Variants in ATP2C2 observed in about 807,000 individuals in gnomAD.
ATP2C2 encodes the protein ATPase secretory pathway Ca2+ transporting 2.
ATP2C2 carries 171 observed loss-of-function variants against 110.8 expected under a neutral mutation model. That is an observed-to-expected ratio of 1.54 (90% CI 1.36 to 1.75). The LOEUF is 1.75. Among genes scored for constraint, ATP2C2 ranks in the 40% most tolerant of loss-of-function variants. The pLI is 0.00. For missense variants in ATP2C2, 1,963 were observed against 1,235.0 expected, an observed-to-expected ratio of 1.59 and a Z score of -8.84; for synonymous variants, 804 against 508.4, an observed-to-expected ratio of 1.58 and a Z score of -7.82.
chr16:84,413,679 A>G (rs2150530997), intron 6 of ATP2C2, among the ~76,000 whole-genome samples: 1 of 152,298 alleles, frequency 6.6e-6, no homozygotes, highest in Middle Eastern at 3.4e-3. Flanking sequence ...TTTATGTACA[A>G]AAGCAGCGGT....
chr16:84,450,760 C>A (rs895727598), intron 17 of ATP2C2, among the ~76,000 whole-genome samples: 2 of 152,106 alleles, frequency 1.3e-5, no homozygotes, highest in African/African-American at 4.8e-5. Flanking sequence ...GAAACAGAGT[C>A]AAGGCCCAGG....
intron 7 of ATP2C2, among the ~76,000 whole-genome samples, chr16:84,419,295 T>C (rs944403973): frequency 5.4e-5 from 8 of 149,388 alleles, no homozygotes; most frequent in Non-Finnish European, 1.0e-4. Context: ...TTTCCTGGCC[T>C]TTCCCAGCTT....
intron 11 of ATP2C2, among the ~76,000 whole-genome samples, chr16:84,429,219 T>C (rs977940347): frequency 6.6e-6 from 1 of 152,214 alleles, no homozygotes; most frequent in African/African-American, 2.4e-5. Flanking sequence ...TGGCACGATC[T>C]TGGCTCACTG....
intron 6 of ATP2C2, among the ~76,000 whole-genome samples, chr16:84,413,446 T>C (rs1338490979): frequency 1.3e-5 from 2 of 152,116 alleles, no homozygotes; most frequent in South Asian, 2.1e-4. Flanking sequence ...GTGAGTCAAT[T>C]GTAGAAGGGC....
intron 11 of ATP2C2, 118 bp from the exon 12 acceptor site, chr16:84,439,048 C>G: frequency 6.9e-7 from 1 of 1,450,308 alleles, no homozygotes; most frequent in Non-Finnish European, 9.4e-7. Flanking sequence ...GAGACTAGAA[C>G]CAGGACACTG....
intron 7 of ATP2C2, among the ~76,000 whole-genome samples, chr16:84,416,679 G>C (rs1906861816): frequency 6.6e-6 from 1 of 152,192 alleles, no homozygotes; most frequent in Non-Finnish European, 1.5e-5. Context: ...GAGATGTTCA[G>C]TTACCAAAGT....
intron 15 of ATP2C2, 81 bp from the exon 16 acceptor site, chr16:84,446,248 T>G: frequency 3.9e-6 from 3 of 763,138 alleles, no homozygotes; most frequent in Non-Finnish European, 5.9e-6. Context: ...GTTTGAACAA[T>G]GAATAATTTA....
chr16:84,380,820 T>G (rs1307795445), intron 1 of ATP2C2, among the ~76,000 whole-genome samples: 1 of 152,182 alleles, frequency 6.6e-6, no homozygotes, highest in Non-Finnish European at 1.5e-5. Context: ...ACATCAAGCA[T>G]GTAAGGTAGC....
chr16:84,398,588 G>A lies in ATP2C2; in HGVS notation c.189G>A (p.Glu63=). The A allele has an allele frequency of 6.2e-7, 1 of 1,612,272 alleles. No homozygotes were observed. The highest frequency in any genetic ancestry group is 2.2e-5 in the East Asian group (1 of 44,780). Residue 63 remains glutamate, a synonymous_variant, in exon 2 of 27, where the codon GAG becomes GAA. Transcript: ENST00000262429. The part of the protein sequence containing the change: ...PPKEACKCQK[E]DLARAFCVDL... ...AGGAAGCGTGCAAATGCCAGAAAGAGGATTTGGCCAGAGCGTTTTGTGTAA... is the reference window on the plus strand; with the variant it reads ...AGGAAGCGTGCAAATGCCAGAAAGAAGATTTGGCCAGAGCGTTTTGTGTAA...
chr16:84,397,317 C>G (rs1279926502), intron 1 of ATP2C2, among the ~76,000 whole-genome samples: 1 of 151,534 alleles, frequency 6.6e-6, no homozygotes, highest in Non-Finnish European at 1.5e-5. Context: ...TCCCATAGAA[C>G]CAGGCTGTGA....
intron 14 of ATP2C2, among the ~76,000 whole-genome samples, chr16:84,441,870 C>G (rs1909288879): frequency 1.3e-5 from 2 of 152,146 alleles, no homozygotes; most frequent in African/African-American, 2.4e-5. Flanking sequence ...TTGCAGTGAG[C>G]TGAGGTCATG....
intron 1 of ATP2C2, among the ~76,000 whole-genome samples, chr16:84,388,804 G>A (rs982915956): frequency 4.6e-5 from 7 of 152,018 alleles, no homozygotes; most frequent in South Asian, 2.1e-4. Flanking sequence ...ATGGAGTCTC[G>A]CTCTGTTGCC....
intron 2 of ATP2C2, among the ~76,000 whole-genome samples, chr16:84,399,668 G>C (rs1567696080): frequency 6.6e-6 from 1 of 152,028 alleles, no homozygotes; most frequent in Non-Finnish European, 1.5e-5. Context: ...ATATTTATGG[G>C]TTCCAGAGAT....
intron 3 of ATP2C2, among the ~76,000 whole-genome samples, chr16:84,407,694 A>G (rs1441819826): frequency 6.6e-6 from 1 of 151,332 alleles, no homozygotes; most frequent in Non-Finnish European, 1.5e-5. Context: ...CTGGACTGAA[A>G]CTCCTGGGCT....
chr16:84,462,040 C>G lies in ATP2C2; in HGVS notation c.2633C>G (p.Ser878Cys), dbSNP rs752742277. 16 of 1,614,018 alleles carry G rather than the reference C, an allele frequency of 9.9e-6. No individual in the cohort carries two copies. In the South Asian group the frequency reaches 1.8e-4, roughly 18 times the overall value. ...GFLRNHMFLY[S>C]VLGSILGQLA... ...CTCAGGAACCACATGTTCCTCTACTCCGTCCTGGGGTCCATCCTGGGGCAG... is the reference window on the plus strand; with the variant it reads ...CTCAGGAACCACATGTTCCTCTACTGCGTCCTGGGGTCCATCCTGGGGCAG... Residue 878 changes from serine to cysteine, a missense_variant, in exon 26 of 27, where the codon TCC (serine) becomes TGC (cysteine). Transcript: ENST00000262429.
chr16:84,459,387 G>C lies in ATP2C2; in HGVS notation c.2333+1G>C, dbSNP rs377248965. On this transcript the variant is annotated splice_donor_variant, in intron 23 of 26. Transcript: ENST00000262429. LOFTEE classifies it high-confidence loss of function. ...TCATGGATGGGCCACCGGCGCAGAG[G>C]TGAGGCAGGGCCGGCTGGGAGCCCT... 39 of 1,613,694 alleles carry C rather than the reference G, an allele frequency of 2.4e-5. No homozygotes were observed. The East Asian group carries it at 4.5e-4, about 18-fold the overall frequency.
Position 84,369,728 on chromosome 16 carries a change from T to C in ATP2C2, c.99+1014T>C, listed in dbSNP as rs549025167. On this transcript the variant is annotated intron_variant, in intron 1 of 26. Transcript: ENST00000262429. ...CCAAAGAATACTAATGGTCAAAACA[T>C]TTTGTTTGTGAGATTAAGTATTCGT... 2.6e-5 allele frequency among the ~76,000 whole-genome samples: 4 copies of C among 152,306 alleles called. 1 individual carries two copies. The East Asian group carries it at 5.8e-4, about 22-fold the overall frequency.
intron 6 of ATP2C2, among the ~76,000 whole-genome samples, chr16:84,412,382 GTATA>G (rs71151209): frequency 1.3e-5 from 2 of 149,566 alleles, no homozygotes; most frequent in Non-Finnish European, 3.0e-5. Flanking sequence ...GTGCGTGTGT[GTATA>G]TGTGTCTGTG....
At chr16:84,371,364 G>A (rs957457648) in intron 1 of ATP2C2, among the ~76,000 whole-genome samples, 3 of 152,016 alleles carry the variant, frequency 2.0e-5, no homozygotes, top group Non-Finnish European at 4.4e-5. Flanking sequence ...AAAAAATTAG[G>A]CGTGGTGGTG....
Sources: allele counts gnomAD v4.1 joint callset (sites outside exome capture counted in the v4.1 genomes callset), GRCh38; gene constraint gnomAD v4.1.1; transcripts MANE v1.5; gene names NCBI Gene and HGNC (gene_info 2026-07-23, HGNC 2026-07-21).